NKAIN3: variants seen among roughly 807,000 people sequenced by gnomAD.
NKAIN3 encodes the protein sodium/potassium-transporting ATPase subunit beta-1-interacting protein 3.
In NKAIN3, 25 loss-of-function variants were observed where a neutral mutation model predicts 30.2. The observed-to-expected ratio is 0.83, with a 90% CI of 0.60 to 1.16. The LOEUF is 1.16. NKAIN3 is among the 50% of genes most tolerant of loss of function. NKAIN3 has a pLI of 0.00. For missense variants in NKAIN3, 225 were observed against 254.1 expected (o/e 0.89, Z 0.78); for synonymous variants, 91 against 89.6 (o/e 1.02, Z -0.09).
intron 4 of NKAIN3, among the ~76,000 whole-genome samples, chr8:62,775,854 C>A (rs73256910): frequency 1.8e-3 from 280 of 152,162 alleles, no homozygotes; most frequent in African/African-American, 6.4e-3. Flanking sequence ...TGTTGATTTT[C>A]TATCTGGATA....
intron 4 of NKAIN3, among the ~76,000 whole-genome samples, chr8:62,789,625 G>C (rs1174587500): frequency 6.6e-6 from 1 of 151,930 alleles, no homozygotes; most frequent in African/African-American, 2.4e-5. Flanking sequence ...AATGACAAAG[G>C]GGATATCACC....
At position 62,515,556 on chromosome 8, in the gene NKAIN3, C is replaced by T. The variant is rs559059057; in HGVS notation, c.55-63983C>T. Among the ~76,000 whole-genome samples the T allele has an allele frequency of 3.3e-5, 5 of 152,226 alleles. No homozygotes were observed. The South Asian group carries it at 1.0e-3, about 31-fold the overall frequency. On this transcript the variant is annotated intron_variant, in intron 1 of 6. Coordinates refer to ENST00000623646, the MANE Select transcript of NKAIN3 (RefSeq NM_001304533.3). ...CTGTGTGTCACTGGAGTTTGTTATACAACTTCCCTTACTCAAAAGAGAGAA... is the reference window on the plus strand; with the variant it reads ...CTGTGTGTCACTGGAGTTTGTTATATAACTTCCCTTACTCAAAAGAGAGAA...
rs904690674 is a variant in NKAIN3, at chr8:62,565,701, G to T, written c.55-13838G>T. Among the ~76,000 whole-genome samples the T allele has an allele frequency of 1.3e-5, 2 of 152,126 alleles. 1 individual carries two copies. The highest frequency in any genetic ancestry group is 4.1e-4 in the South Asian group (2 of 4,832). On this transcript the variant is annotated intron_variant, in intron 1 of 6. Coordinates refer to ENST00000623646, the MANE Select transcript of NKAIN3 (RefSeq NM_001304533.3). ...ATTGAATATAGATGCTACTTCACTT[G>T]TGTTGGGGTTATGTCCTGATAAACC...
At chr8:62,904,256 G>A (rs1821707629) in intron 4 of NKAIN3, among the ~76,000 whole-genome samples, 1 of 152,160 alleles carries the variant, frequency 6.6e-6, no homozygotes, top group Non-Finnish European at 1.5e-5. Context: ...GACTGGAAAA[G>A]TCTTATCCTA....
In NKAIN3 at chr8:62,972,909, A is replaced by AAT. The variant is rs1823864218; in HGVS notation, c.*7502_*7503insAT. ...TCTCATTGTTCAACTCCCACTTAAG[A>AAT]GTAAGAATATGCAGTGTTTGTTTTT... On this transcript the variant is annotated 3_prime_UTR_variant, in exon 7 of 7. Transcript: ENST00000623646. Among the ~76,000 whole-genome samples the AAT allele has an allele frequency of 6.7e-6, 1 of 149,920 alleles. No homozygotes were observed. The highest frequency in any genetic ancestry group is 1.5e-5 in the Non-Finnish European group (1 of 67,526).
intron 3 of NKAIN3, among the ~76,000 whole-genome samples, chr8:62,698,085 C>CTT (rs3032905): frequency 0.089 from 13,426 of 151,668 alleles, 1,411 homozygotes; most frequent in African/African-American, 0.26. Context: ...TAAAGTGGAT[C>CTT]TAAAAGTAAC....
chr8:62,602,148 G>A (rs996747453), intron 3 of NKAIN3, among the ~76,000 whole-genome samples: 1 of 152,058 alleles, frequency 6.6e-6, no homozygotes, highest in South Asian at 2.1e-4. Flanking sequence ...AGTATTAAGA[G>A]TTTTTAATCA....
At chr8:62,401,043 C>CTCT (rs1554526702) in intron 1 of NKAIN3, among the ~76,000 whole-genome samples, 1 of 151,398 alleles carries the variant, frequency 6.6e-6, no homozygotes, top group African/African-American at 2.4e-5. Context: ...CTCTCTACAT[C>CTCT]CTCTTTAAGG....
intron 5 of NKAIN3, among the ~76,000 whole-genome samples, chr8:62,991,526 G>C (rs1414331246): frequency 1.3e-5 from 2 of 152,154 alleles, no homozygotes; most frequent in Admixed American, 1.3e-4. Context: ...TCAGCTCACT[G>C]ACACATAATA....
chr8:62,503,138 C>T (rs902440844), intron 1 of NKAIN3, among the ~76,000 whole-genome samples: 17 of 152,302 alleles, frequency 1.1e-4, no homozygotes, highest in African/African-American at 3.6e-4. Context: ...AACATAGGTT[C>T]TTTCTATTTT....
chr8:62,269,026 C>G (rs942784388), intron 1 of NKAIN3, among the ~76,000 whole-genome samples: 1 of 152,154 alleles, frequency 6.6e-6, no homozygotes, highest in Non-Finnish European at 1.5e-5. Context: ...GTCTGAAATA[C>G]ATCTTCCTGT....
chr8:62,312,473 G>GCATATTT (rs1814474856), intron 1 of NKAIN3, among the ~76,000 whole-genome samples: 2 of 150,440 alleles, frequency 1.3e-5, no homozygotes, highest in African/African-American at 5.0e-5. Flanking sequence ...GGAAAAGAGA[G>GCATATTT]ACAGGCAAAT....
At chr8:62,505,232 T>C (rs1415842548) in intron 1 of NKAIN3, among the ~76,000 whole-genome samples, 1 of 152,238 alleles carries the variant, frequency 6.6e-6, no homozygotes, top group Non-Finnish European at 1.5e-5. Context: ...TATTAATTCA[T>C]TCACTTCACA....
chr8:62,790,831 G>A (rs552355007), intron 4 of NKAIN3, among the ~76,000 whole-genome samples: 6 of 152,138 alleles, frequency 3.9e-5, no homozygotes, highest in African/African-American at 1.4e-4. Flanking sequence ...TCCCATCACA[G>A]ATAACAGGGA....
intron 4 of NKAIN3, among the ~76,000 whole-genome samples, chr8:62,814,570 A>C (rs532714417): frequency 2.6e-4 from 39 of 152,230 alleles, no homozygotes; most frequent in South Asian, 1.2e-3. Flanking sequence ...ACTCAGGATT[A>C]AGAAACTCAC....
At chr8:62,343,786 G>A (rs1186333310) in intron 1 of NKAIN3, among the ~76,000 whole-genome samples, 1 of 152,000 alleles carries the variant, frequency 6.6e-6, no homozygotes, top group African/African-American at 2.4e-5. Context: ...ACTCCAGGAT[G>A]CATGACAGAT....
intron 3 of NKAIN3, among the ~76,000 whole-genome samples, chr8:62,641,344 G>A (rs2130300537): frequency 6.6e-6 from 1 of 152,226 alleles, no homozygotes; most frequent in African/African-American, 2.4e-5. Context: ...TGTCTTGCTG[G>A]ACCTAAGGAA....
intron 1 of NKAIN3, among the ~76,000 whole-genome samples, chr8:62,258,696 G>A (rs1236066252): frequency 6.6e-6 from 1 of 151,958 alleles, no homozygotes; most frequent in Non-Finnish European, 1.5e-5. Context: ...AGGTTTACAA[G>A]CACTTAATAC....
rs749315836 is a variant in NKAIN3, at chr8:62,747,090, C to T, written c.432C>T (p.Tyr144=). The change falls in exon 4 of 7, where the codon TAC becomes TAT. Residue 144 remains tyrosine, a synonymous_variant. Coordinates refer to ENST00000623646, the MANE Select transcript of NKAIN3 (RefSeq NM_001304533.3). The part of the protein sequence containing the change: ...SVTGCIVDFQ[Y]LEVIHSAVQI... ...CAGGCTGCATCGTTGACTTCCAGTA[C>T]CTGGAGGTCATCCACAGTGCTGTCC... is the stretch of plus-strand genomic sequence containing the variant. The T allele has an allele frequency of 3.7e-6, 6 of 1,612,524 alleles. No homozygotes were observed. The highest frequency in any genetic ancestry group is 5.1e-6 in the Non-Finnish European group (6 of 1,178,654).
Sources: gnomAD v4.1 joint callset for allele counts (sites outside exome capture counted in the v4.1 genomes callset) on GRCh38, gnomAD v4.1.1 for gene constraint, MANE v1.5 for transcripts, NCBI Gene and HGNC (gene_info 2026-07-23, HGNC 2026-07-21) for gene names.